Variants in CRNKL1 observed in about 807,000 individuals in gnomAD.
CRNKL1 encodes the protein crooked neck-like protein 1.
CRNKL1 carries 35 observed loss-of-function variants against 103.7 expected under a neutral mutation model. The ratio of observed to expected loss-of-function variants is 0.34; its 90% confidence interval spans 0.26 to 0.45. The LOEUF (loss-of-function observed/expected upper bound fraction) is 0.45, where lower values mean the gene tolerates loss of function less well. Among genes scored for constraint, CRNKL1 ranks in the 20% least tolerant of loss-of-function variants. The probability of loss-of-function intolerance (pLI) is 1.00; values close to 1 mark genes in which losing one functional copy is unlikely to be tolerated. For missense variants in CRNKL1, 645 were observed against 836.0 expected, an observed-to-expected ratio of 0.77 and a Z score of 2.82; for synonymous variants, 267 against 282.6, an observed-to-expected ratio of 0.94 and a Z score of 0.55.
At position 20,038,366 on chromosome 20, in the gene CRNKL1, G is replaced by A; in HGVS notation, c.1630C>T (p.Arg544Trp). ...TRNLYRRLLQRTQHVKVWISF... is the reference protein window; with the variant it reads ...TRNLYRRLLQWTQHVKVWISF... ...AAGGATACCTTGACATGCTGCGTCC[G>A]TTGAAGCAACCGCCGGTAAAGGTTT... Residue 544 changes from arginine to tryptophan, a missense_variant, in exon 12 of 14, where the codon CGG becomes TGG. By Grantham distance (101) the Arg-to-Trp change is moderately radical (BLOSUM62 -3). Coordinates refer to ENST00000536226, the MANE Select transcript of CRNKL1 (RefSeq NM_001278628.2). 4 of 1,550,734 alleles carry A rather than the reference G, an allele frequency of 2.6e-6. No homozygotes were observed. Among genetic ancestry groups the A allele is most frequent in the East Asian group, 2.4e-5 (1 of 41,010 alleles).
At chr20:20,039,263 T>A (rs953434185) in intron 11 of CRNKL1, among the ~76,000 whole-genome samples, 7 of 152,110 alleles carry the variant, frequency 4.6e-5, no homozygotes, top group Admixed American at 1.3e-4. Flanking sequence ...CCTACCTCCA[T>A]CCCCCTCGTT....
At chr20:20,044,254 A>AAATATAAATC (rs2043559764) in intron 6 of CRNKL1, among the ~76,000 whole-genome samples, 1 of 152,170 alleles carries the variant, frequency 6.6e-6, no homozygotes, top group South Asian at 2.1e-4. Flanking sequence ...GCTCTCCTTA[A>AAATATAAATC]AATATAAATC....
At chr20:20,047,742 T>C (rs373922651) in intron 5 of CRNKL1, 23 bp downstream of exon 5, 1 of 1,609,204 alleles carries the variant, frequency 6.2e-7, no homozygotes, top group Non-Finnish European at 8.5e-7. Context: ...CATGGCACCA[T>C]ACAGATCTCG....
upstream of CRNKL1, chr20:20,055,900 C>A (rs1406068228): frequency 4.3e-6 from 6 of 1,406,850 alleles, no homozygotes; most frequent in South Asian, 7.0e-5. Context: ...GAGAGACTTA[C>A]AGAAATTGAG....
upstream of CRNKL1, chr20:20,055,862 G>A: frequency 9.5e-7 from 1 of 1,048,400 alleles, no homozygotes; most frequent in Admixed American, 2.0e-5. Context: ...CTTTCCCTAT[G>A]AAGGAAAGAA....
At chr20:20,052,658 C>G (rs2043819670), upstream of CRNKL1, 2 of 1,613,242 alleles carry the variant, frequency 1.2e-6, no homozygotes, top group African/African-American at 2.7e-5. Context: ...GGGCGCATCC[C>G]CAGGTCAGCC....
At chr20:20,054,983 T>G (rs568087816), upstream of CRNKL1, among the ~76,000 whole-genome samples, 1 of 152,360 alleles carries the variant, frequency 6.6e-6, no homozygotes, top group South Asian at 2.1e-4. Flanking sequence ...CATTCTGTCT[T>G]ACATGTGTCT....
rs2043397056 is a variant in CRNKL1 at position 20,034,985 on chromosome 20, A to C, written c.*1210T>G. 6.6e-6 allele frequency: 1 copy of C among 152,176 alleles called. No individual in the cohort carries two copies. The highest frequency in any genetic ancestry group is 1.5e-5 in the Non-Finnish European group (1 of 68,034). 9.4% of individuals were successfully genotyped at this position (152,176 alleles called of 1,614,324 possible). A position where few individuals can be genotyped will look rare whatever the true frequency, so the allele number is the denominator to read the frequency against. On this transcript the variant is annotated 3_prime_UTR_variant, in exon 14 of 14. Coordinates refer to ENST00000536226, the MANE Select transcript of CRNKL1 (RefSeq NM_001278628.2). Reference sequence around the variant, plus strand: ...AAGAAAAAATGTGCTTGAGAAACACAGTCCAGGTTAAAGGAAAACTCTCAG... The same window carrying C: ...AAGAAAAAATGTGCTTGAGAAACACCGTCCAGGTTAAAGGAAAACTCTCAG...
upstream of CRNKL1, among the ~76,000 whole-genome samples, chr20:20,054,526 A>G (rs1477928609): frequency 1.3e-5 from 2 of 152,234 alleles, no homozygotes; most frequent in Non-Finnish European, 1.5e-5. Flanking sequence ...AATTATACAT[A>G]AGTCAACTTT....
chr20:20,054,059 C>G (rs972914052), upstream of CRNKL1, among the ~76,000 whole-genome samples: 4 of 99,148 alleles, frequency 4.0e-5, no homozygotes, highest in Non-Finnish European at 6.3e-5. Context: ...ATCCTTCTTA[C>G]TTTTTGCCAT....
upstream of CRNKL1, among the ~76,000 whole-genome samples, chr20:20,054,772 ACAGT>A (rs1256194895): frequency 1.3e-5 from 2 of 152,146 alleles, no homozygotes; most frequent in South Asian, 2.1e-4. Context: ...TTTTTTATAG[ACAGT>A]CTGTCTTTTG....
At position 20,047,600 on chromosome 20, in the gene CRNKL1, G is replaced by C. The variant is rs528027877; in HGVS notation, c.622+165C>G. Among the ~76,000 whole-genome samples the C allele has an allele frequency of 3.4e-4, 52 of 151,626 alleles. No individual in the cohort carries two copies. Among genetic ancestry groups the C allele is most frequent in the South Asian group, 1.0e-3 (5 of 4,790 alleles). ...TACCCAGAATACAAATTTTCATTCT[G>C]ACCAATCTCTTTCCCTACAAAACAT... On this transcript the variant is annotated intron_variant, in intron 5 of 13. Transcript: ENST00000536226.
chr20:20,055,979 C>T, upstream of CRNKL1: 2 of 1,610,526 alleles, frequency 1.2e-6, no homozygotes, highest in Non-Finnish European at 1.7e-6. Flanking sequence ...CCAAAGTGTC[C>T]TTCTGGAACG....
At chr20:20,048,020 A>G in intron 4 of CRNKL1, 89 bp from the exon 5 acceptor site, 1 of 1,382,680 alleles carries the variant, frequency 7.2e-7, no homozygotes, top group Non-Finnish European at 9.9e-7. Context: ...CCTTTCTTAA[A>G]GGTTAAATCA....
chr20:20,038,810 G>A lies in CRNKL1; in HGVS notation c.1546-360C>T, dbSNP rs540005407. Among the ~76,000 whole-genome samples, 103 of 152,322 alleles carry A rather than the reference G, an allele frequency of 6.8e-4. 1 individual carries two copies. The highest frequency in any genetic ancestry group is 3.1e-3 in the Admixed American group (47 of 15,300). On this transcript the variant is annotated intron_variant, in intron 11 of 13. Transcript: ENST00000536226. ...AGAGAAAACAGGCCCAGGTTAGCCA[G>A]TATGCATGTTCTTACCTCTACTGTA...
At chr20:20,054,258 T>C (rs2044087811), upstream of CRNKL1, among the ~76,000 whole-genome samples, 1 of 152,034 alleles carries the variant, frequency 6.6e-6, no homozygotes, top group Non-Finnish European at 1.5e-5. Flanking sequence ...AAAGTGATTG[T>C]TTAGGTTTAT....
At chr20:20,045,622 C>T in intron 5 of CRNKL1, 136 bp from the exon 6 acceptor site, 1 of 718,842 alleles carries the variant, frequency 1.4e-6, no homozygotes, top group Non-Finnish European at 2.2e-6. Flanking sequence ...AAAACACATA[C>T]AAAAGTGTAG....
chr20:20,036,106 G>C lies in CRNKL1; in HGVS notation c.*89C>G. ...CAAAGATACCAATCAATTTCTTACT[G>C]GTGAAATATATAAGAACTTCCAGGA... On this transcript the variant is annotated 3_prime_UTR_variant, in exon 14 of 14. Coordinates refer to ENST00000536226, the MANE Select transcript of CRNKL1 (RefSeq NM_001278628.2). 1 of 1,300,950 alleles carries C rather than the reference G, an allele frequency of 7.7e-7. No homozygotes were observed. 80.6% of individuals were successfully genotyped at this position (1,300,950 alleles called of 1,614,324 possible).
At position 20,039,717 on chromosome 20, in the gene CRNKL1, A is replaced by C; in HGVS notation, c.1437T>G (p.Cys479Trp). The change falls in exon 11 of 14, where the codon TGT becomes TGG. Residue 479 changes from cysteine to tryptophan, a missense_variant. Physicochemically the swap from Cys to Trp is radical, Grantham distance 215 (BLOSUM62 -2). Coordinates refer to ENST00000536226, the MANE Select transcript of CRNKL1 (RefSeq NM_001278628.2). Reference sequence around the variant, plus strand: ...ATTCAGCGAATTTAATCCATGAGGTACAATTTTCAGGTCCAAATTCCAGGA... The same window carrying C: ...ATTCAGCGAATTTAATCCATGAGGTCCAATTTTCAGGTCCAAATTCCAGGA... ...EKFLEFGPEN[C>W]TSWIKFAELE... is the part of the protein sequence containing the mutation. 1 of 1,614,248 alleles carries C rather than the reference A, an allele frequency of 6.2e-7. No homozygotes were observed. The highest frequency in any genetic ancestry group is 8.5e-7 in the Non-Finnish European group (1 of 1,180,050).
Sources: gnomAD v4.1 joint callset for allele counts (sites outside exome capture counted in the v4.1 genomes callset) on GRCh38, gnomAD v4.1.1 for gene constraint, MANE v1.5 for transcripts, NCBI Gene and HGNC (gene_info 2026-07-23, HGNC 2026-07-21) for gene names.